ITGA3: variants seen among roughly 807,000 people sequenced by gnomAD.
ITGA3 encodes the protein integrin subunit alpha 3.
A neutral mutation model predicts 131.1 loss-of-function variants in ITGA3; 70 were observed. That is an observed-to-expected ratio of 0.53 (90% CI 0.44 to 0.65). The LOEUF (loss-of-function observed/expected upper bound fraction) is 0.65, where lower values mean the gene tolerates loss of function less well. Ranked by LOEUF, ITGA3 falls within the 30% of genes least tolerant of loss-of-function variation. The pLI is 0.00. For synonymous variants in ITGA3, 537 were observed against 571.6 expected (o/e 0.94, Z 0.86); for missense variants, 1,098 against 1,388.6 (o/e 0.79, Z 3.33).
intron 18 of ITGA3, 34 bp from the exon 19 acceptor site, chr17:50,078,790 T>A: frequency 7.5e-7 from 1 of 1,337,202 alleles, no homozygotes; most frequent in Non-Finnish European, 1.1e-6. Flanking sequence ...TGGTCTCTTG[T>A]CCCCCGTGAC....
chr17:50,089,081 T>C, intron 25 of ITGA3, 29 bp from the exon 26 acceptor site: 1 of 1,597,464 alleles, frequency 6.3e-7, no homozygotes, highest in Non-Finnish European at 8.6e-7. Context: ...TGGATGCTAA[T>C]GTTCTTTCTC....
intron 3 of ITGA3, 91 bp from the exon 4 acceptor site, chr17:50,067,965 T>C (rs1908412613): frequency 6.5e-7 from 1 of 1,535,844 alleles, no homozygotes; most frequent in African/African-American, 1.4e-5. Flanking sequence ...TGACTCCTGT[T>C]TGGCAAAGCC....
In ITGA3 at chr17:50,064,848, C is replaced by T. The variant is rs1258518656; in HGVS notation, c.414+241C>T. On this transcript the variant is annotated intron_variant, in intron 3 of 25. Coordinates refer to ENST00000320031, the MANE Select transcript of ITGA3 (RefSeq NM_002204.4). This position sits in a 1 kb window ranked among gnomAD's most constrained non-coding sequence, Gnocchi z 4.4. ...AGTTCTCTGACTCATCCACTTCCTC[C>T]GCATGCCTACACTGGGTGCTCAGCC... 2.2e-5 allele frequency: 10 copies of T among 445,210 alleles called. No homozygotes were observed. The East Asian group carries it at 3.6e-4, about 16-fold the overall frequency. The allele number at this position is 445,210 out of a possible 1,614,324, so 27.6% of individuals were successfully genotyped here. A position where few individuals can be genotyped will look rare whatever the true frequency, so the allele number is the denominator to read the frequency against.
chr17:50,077,226 T>G, intron 15 of ITGA3, 105 bp downstream of exon 15: 1 of 1,327,268 alleles, frequency 7.5e-7, no homozygotes, highest in South Asian at 1.4e-5. Flanking sequence ...CGTGCCCACC[T>G]CCTCTGGTCT....
intron 23 of ITGA3, among the ~76,000 whole-genome samples, chr17:50,085,147 A>G (rs769531269): frequency 3.0e-4 from 46 of 151,690 alleles, no homozygotes; most frequent in South Asian, 1.0e-3. Flanking sequence ...GGTTGCAGTG[A>G]GCCAAGATCG....
At chr17:50,066,148 CCT>C (rs1908335857) in intron 3 of ITGA3, 1 of 151,838 alleles carries the variant, frequency 6.6e-6, no homozygotes, top group African/African-American at 2.4e-5. Flanking sequence ...CCAGCCTTAG[CCT>C]CCCAAGCTAA....
Position 50,064,899 on chromosome 17 carries a change from G to A in ITGA3, c.414+292G>A, listed in dbSNP as rs906602480. ...TTCGTGGGAACAAGCCGAGGGAGCC[G>A]AGGGAACTGCAAGGAGGAGAAAGGG... On this transcript the variant is annotated intron_variant, in intron 3 of 25. Coordinates refer to ENST00000320031, the MANE Select transcript of ITGA3 (RefSeq NM_002204.4). This position sits in a 1 kb window ranked among gnomAD's most constrained non-coding sequence, Gnocchi z 4.4. 6 of 309,828 alleles carry A rather than the reference G, an allele frequency of 1.9e-5. No homozygotes were observed. The highest frequency in any genetic ancestry group is 6.5e-5 in the East Asian group (1 of 15,296). 19.2% of individuals were successfully genotyped at this position (309,828 alleles called of 1,614,324 possible).
In ITGA3 at chr17:50,064,516, C is replaced by T. The variant is rs371199298; in HGVS notation, c.335-12C>T. On this transcript the variant is annotated splice_polypyrimidine_tract_variant and intron_variant, in intron 2 of 25. Coordinates refer to ENST00000320031, the MANE Select transcript of ITGA3 (RefSeq NM_002204.4). The surrounding 1 kb of genome is among the most constrained non-coding windows in gnomAD (Gnocchi z 4.4). ...GAGGTGCTCTGATTCATGATCCTTC[C>T]GGTGCCCACAGATGACCCTGGCCAT... The T allele has an allele frequency of 1.9e-5, 31 of 1,607,490 alleles. No individual in the cohort carries two copies. The highest frequency in any genetic ancestry group is 3.3e-4 in the Middle Eastern group (2 of 6,064).
intron 1 of ITGA3, among the ~76,000 whole-genome samples, chr17:50,062,442 G>T (rs1416525321): frequency 6.6e-6 from 1 of 152,194 alleles, no homozygotes; most frequent in Non-Finnish European, 1.5e-5. Context: ...GACTCATCGA[G>T]GCCTTCCCAG....
At chr17:50,077,998 C>T in intron 16 of ITGA3, 48 bp from the exon 17 acceptor site, 1 of 1,503,374 alleles carries the variant, frequency 6.7e-7, no homozygotes, top group Non-Finnish European at 9.2e-7. Flanking sequence ...GACATCACCC[C>T]CGCCAGGCCC....
At chr17:50,080,492 G>A in intron 22 of ITGA3, 117 bp downstream of exon 22, 1 of 604,604 alleles carries the variant, frequency 1.7e-6, no homozygotes, top group Non-Finnish European at 2.9e-6. Context: ...GTGTGTGTGT[G>A]TGTGTGTGTG....
intron 10 of ITGA3, 94 bp from the exon 11 acceptor site, chr17:50,075,365 C>A: frequency 7.6e-7 from 1 of 1,307,208 alleles, no homozygotes; most frequent in Non-Finnish European, 1.1e-6. Context: ...TCCAGAAGGG[C>A]CTCGGTTTCC....
rs1325517335 is a variant in ITGA3 at position 50,088,362 on chromosome 17, C to T, written c.*27C>T. On this transcript the variant is annotated 3_prime_UTR_variant, in exon 25 of 26. Transcript: ENST00000320031. ...GGGGCAGCCCCCCGCCCCCGGCCCA[C>T]CTGGGTAACACGGCCTCCGGGCCCC... 10 of 1,535,244 alleles carry T rather than the reference C, an allele frequency of 6.5e-6. No homozygotes were observed. Among genetic ancestry groups the T allele is most frequent in the Non-Finnish European group, 8.8e-6 (10 of 1,132,144 alleles).
intron 1 of ITGA3, among the ~76,000 whole-genome samples, chr17:50,063,003 T>C (rs1339176669): frequency 6.6e-6 from 1 of 152,234 alleles, no homozygotes; most frequent in Admixed American, 6.5e-5. Context: ...TTCCACCAGA[T>C]GGTGTGTTGT....
chr17:50,074,702 T>C (rs1299667873), intron 10 of ITGA3, among the ~76,000 whole-genome samples, 168 bp downstream of exon 10: 1 of 152,112 alleles, frequency 6.6e-6, no homozygotes, highest in Non-Finnish European at 1.5e-5. Context: ...CAAAATTCCT[T>C]GTAAGAGGTA....
chr17:50,061,150 C>T (rs1437364355), intron 1 of ITGA3, among the ~76,000 whole-genome samples: 1 of 152,116 alleles, frequency 6.6e-6, no homozygotes, highest in African/African-American at 2.4e-5. Flanking sequence ...CGGGGGCTCA[C>T]TCTGGAATCT....
chr17:50,080,669 G>T (rs141803432), intron 22 of ITGA3, among the ~76,000 whole-genome samples: 2 of 151,868 alleles, frequency 1.3e-5, no homozygotes, highest in Non-Finnish European at 2.9e-5. Flanking sequence ...TTATCTCTGC[G>T]TGTAAACCCC....
At chr17:50,065,142 G>C (rs67217944) in intron 3 of ITGA3, 3,777 of 152,414 alleles carry the variant, frequency 0.025, 102 homozygotes, top group Middle Eastern at 0.041. Flanking sequence ...TTCTCTCTCT[G>C]TCTCTTGTTG....
At chr17:50,078,338 T>C in intron 18 of ITGA3, 54 bp downstream of exon 18, 28 of 1,480,106 alleles carry the variant, frequency 1.9e-5, no homozygotes, top group Non-Finnish European at 2.6e-5. Flanking sequence ...TAAGCTAGGG[T>C]TCCCTATCCC....
Sources: allele counts gnomAD v4.1 joint callset (sites outside exome capture counted in the v4.1 genomes callset), GRCh38; gene constraint gnomAD v4.1.1; non-coding constraint Gnocchi (gnomAD v3.1); transcripts MANE v1.5; gene names NCBI Gene and HGNC (gene_info 2026-07-23, HGNC 2026-07-21).